The following POLR2E variants were observed in gnomAD, a reference collection of about 807,000 sequenced individuals.
POLR2E encodes the protein RNA polymerase II, I and III subunit E.
POLR2E carries 35 observed loss-of-function variants against 29.8 expected under a neutral mutation model. The observed-to-expected ratio is 1.17, with a 90% CI of 0.90 to 1.55. POLR2E has a LOEUF of 1.55. Ranked by LOEUF, POLR2E falls within the 40% of genes most tolerant of loss-of-function variation. The probability of loss-of-function intolerance (pLI) is 0.00; values close to 1 mark genes in which losing one functional copy is unlikely to be tolerated. For missense variants in POLR2E, 287 were observed against 288.6 expected (o/e 0.99, Z 0.04); for synonymous variants, 174 against 112.6 (o/e 1.55, Z -3.45).
chr19:1,094,166 G>A, intron 1 of POLR2E, 88 bp from the exon 2 acceptor site: 1 of 1,275,914 alleles, frequency 7.8e-7, no homozygotes, highest in Non-Finnish European at 1.1e-6. Flanking sequence ...TGCGGCTGCT[G>A]CAGAGGACAG....
In POLR2E at chr19:1,090,140, G is replaced by C; in HGVS notation, c.435C>G (p.Val145=). 1.2e-6 allele frequency: 2 copies of C among 1,612,572 alleles called. No homozygotes were observed. Among genetic ancestry groups the C allele is most frequent in the Non-Finnish European group, 1.7e-6 (2 of 1,179,918 alleles). ...LLINITEHEL[V]PEHVVMTKEE... is the part of the protein sequence containing the mutation. ...CCTTGGTCATGACGACGTGCTCAGGGACTAGCTGCCGAGAGAGGAAGCCAC... is the reference window on the plus strand; with the variant it reads ...CCTTGGTCATGACGACGTGCTCAGGCACTAGCTGCCGAGAGAGGAAGCCAC... Residue 145 remains valine, a synonymous_variant, in exon 5 of 8, where the codon GTC becomes GTG. Transcript: ENST00000615234.
At position 1,095,357 on chromosome 19, in the gene POLR2E, G is replaced by GTT; in HGVS notation, c.-43_-42insAA. On this transcript the variant is annotated 5_prime_UTR_variant, in exon 1 of 8. Coordinates refer to ENST00000615234, the MANE Select transcript of POLR2E (RefSeq NM_002695.5). ...GCCGCCGCTCGCACCCCTTCTCCGC[G>GTT]CGAGAACCCGCGCGGACTGCGCCTG... 6.2e-7 allele frequency: 1 copy of GTT among 1,609,900 alleles called. No homozygotes were observed. The highest frequency in any genetic ancestry group is 8.5e-7 in the Non-Finnish European group (1 of 1,177,718).
At chr19:1,091,632 G>T in intron 3 of POLR2E, 160 bp downstream of exon 3, 1 of 613,218 alleles carries the variant, frequency 1.6e-6, no homozygotes, top group South Asian at 1.8e-5. Flanking sequence ...CGCGGTGGGA[G>T]GGAGGCGGTC....
chr19:1,089,556 A>C lies in POLR2E; in HGVS notation c.568-5T>G. ...GGGCCGGATGATCTTCACCACCTGC[A>C]GAGACAGAGAGCAGGGGCTGCGAAT... On this transcript the variant is annotated splice_polypyrimidine_tract_variant and splice_region_variant and intron_variant, in intron 6 of 7. Transcript: ENST00000615234. 1 of 1,613,062 alleles carries C rather than the reference A, an allele frequency of 6.2e-7. No individual in the cohort carries two copies. The highest frequency in any genetic ancestry group is 8.5e-7 in the Non-Finnish European group (1 of 1,179,212).
At chr19:1,089,835 G>A in intron 6 of POLR2E, 49 bp downstream of exon 6, 2 of 1,436,794 alleles carry the variant, frequency 1.4e-6, no homozygotes, top group Non-Finnish European at 1.9e-6. Context: ...CCTTCTCCGA[G>A]TGGTCAGCTC....
At chr19:1,091,434 C>T (rs763302201) in intron 3 of POLR2E, 10 of 376,018 alleles carry the variant, frequency 2.7e-5, no homozygotes, top group African/African-American at 1.5e-4. Context: ...TGGAGGACCC[C>T]GTGCCGGGCC....
chr19:1,089,221 C>G (rs1037615101), intron 7 of POLR2E, among the ~76,000 whole-genome samples: 1 of 152,232 alleles, frequency 6.6e-6, no homozygotes, highest in African/African-American at 2.4e-5. Flanking sequence ...TAAGGTGGGT[C>G]AGCGGCGGAG....
Position 1,087,816 on chromosome 19 carries a change from A to C in POLR2E, c.*919T>G, listed in dbSNP as rs1436675229. 6.6e-6 allele frequency: 1 copy of C among 152,330 alleles called. No homozygotes were observed. Among genetic ancestry groups the C allele is most frequent in the East Asian group, 1.9e-4 (1 of 5,332 alleles). The allele number at this position is 152,330 out of a possible 1,614,324, so 9.4% of individuals were successfully genotyped here. On this transcript the variant is annotated 3_prime_UTR_variant, in exon 8 of 8. Coordinates refer to ENST00000615234, the MANE Select transcript of POLR2E (RefSeq NM_002695.5). ...CCGAGGGTGAATTACATCTTAATAAAGCTACTGTGAGAGAACCACGTGGCT... is the reference window on the plus strand; with the variant it reads ...CCGAGGGTGAATTACATCTTAATAACGCTACTGTGAGAGAACCACGTGGCT...
chr19:1,093,508 G>A (rs939379454), intron 2 of POLR2E, among the ~76,000 whole-genome samples: 8 of 152,262 alleles, frequency 5.3e-5, no homozygotes, highest in African/African-American at 1.9e-4. Flanking sequence ...GCGGGCAGGG[G>A]CCGCAGCTCA....
chr19:1,089,097 T>G (rs1165358905), intron 7 of POLR2E, among the ~76,000 whole-genome samples: 2 of 152,094 alleles, frequency 1.3e-5, no homozygotes, highest in African/African-American at 4.8e-5. Context: ...CAGGGAAGGG[T>G]TGGCCTGAAG....
chr19:1,090,012 G>A, intron 5 of POLR2E, 50 bp from the exon 6 acceptor site: 6 of 1,507,168 alleles, frequency 4.0e-6, no homozygotes, highest in Non-Finnish European at 4.5e-6. Flanking sequence ...GGGGGGGCAG[G>A]GGTGTGTGTG....
intron 3 of POLR2E, 119 bp from the exon 4 acceptor site, chr19:1,091,107 A>G: frequency 3.8e-6 from 3 of 783,552 alleles, no homozygotes; most frequent in Non-Finnish European, 6.2e-6. Flanking sequence ...CACGTCGTGA[A>G]TCAGAAAACC....
intron 2 of POLR2E, among the ~76,000 whole-genome samples, chr19:1,092,504 A>C (rs1180876984): frequency 6.6e-6 from 1 of 151,222 alleles, no homozygotes; most frequent in Non-Finnish European, 1.5e-5. Context: ...GATCGAGACC[A>C]CCCTGGCTAA....
chr19:1,093,981 C>T lies in POLR2E; in HGVS notation c.155G>A (p.Arg52Gln), dbSNP rs976132861. 15 of 1,613,648 alleles carry T rather than the reference C, an allele frequency of 9.3e-6. No homozygotes were observed. The Admixed American group carries it at 2.0e-4, about 22-fold the overall frequency. ...CACGGTGAGGTCCGTGCGCCGCGGCCGCCCCTCACTCGGCTTGTCCCCAGA... is the reference window on the plus strand; with the variant it reads ...CACGGTGAGGTCCGTGCGCCGCGGCTGCCCCTCACTCGGCTTGTCCCCAGA... ...AQSGDKPSEGRPRRTDLTVLV... is the reference protein window; with the variant it reads ...AQSGDKPSEGQPRRTDLTVLV... Residue 52 changes from arginine to glutamine, a missense_variant, in exon 2 of 8, where the codon CGG becomes CAG. Coordinates refer to ENST00000615234, the MANE Select transcript of POLR2E (RefSeq NM_002695.5).
At chr19:1,095,102 G>T in intron 1 of POLR2E, 157 bp downstream of exon 1, 1 of 699,856 alleles carries the variant, frequency 1.4e-6, no homozygotes, top group Non-Finnish European at 2.3e-6. Flanking sequence ...CGGGTCCAGC[G>T]CCTGGTATCC....
chr19:1,093,105 G>C (rs1399235659), intron 2 of POLR2E, among the ~76,000 whole-genome samples: 1 of 151,318 alleles, frequency 6.6e-6, no homozygotes, highest in Non-Finnish European at 1.5e-5. Flanking sequence ...AGAATCGCTT[G>C]AACTCAGGAG....
At chr19:1,091,744 G>A (rs768642469) in intron 3 of POLR2E, 48 bp downstream of exon 3, 1 of 1,272,654 alleles carries the variant, frequency 7.9e-7, no homozygotes, top group Non-Finnish European at 1.1e-6. Flanking sequence ...CTTGCGGGAG[G>A]AGGCTGGGGA....
At position 1,089,889 on chromosome 19, in the gene POLR2E, C is replaced by T. The variant is rs139328030; in HGVS notation, c.562G>A (p.Gly188Arg). The T allele has an allele frequency of 5.0e-6, 8 of 1,611,640 alleles. No homozygotes were observed. In the African/African-American group the frequency reaches 1.1e-4, roughly 22 times the overall value. Residue 188 changes from glycine (G) to arginine (R), a missense_variant, in exon 6 of 8, where the codon GGG becomes AGG. Coordinates refer to ENST00000615234, the MANE Select transcript of POLR2E (RefSeq NM_002695.5). ...CTTCTCCCCACAGGGCTCACCTGCCCACGCTTTATCCCAAAGTAGCGCGCC... is the reference window on the plus strand; with the variant it reads ...CTTCTCCCCACAGGGCTCACCTGCCTACGCTTTATCCCAAAGTAGCGCGCC... ...PVARYFGIKR[G>R]QVVKIIRPSE... is the part of the protein sequence containing the mutation.
rs544648528 is a variant in POLR2E, at chr19:1,091,560, G to A, written c.348+232C>T. On this transcript the variant is annotated intron_variant, in intron 3 of 7. Transcript: ENST00000615234. ...GCTGGCGAGAGGCACAGTGCCCTCC[G>A]CCCTGACGCCCCTCCTGAGAGCTGG... 129 of 556,844 alleles carry A rather than the reference G, an allele frequency of 2.3e-4. 2 individuals are homozygous for A. Among genetic ancestry groups the A allele is most frequent in the Non-Finnish European group, 3.1e-4 (96 of 308,088 alleles). The allele number at this position is 556,844 out of a possible 1,614,324, so 34.5% of individuals were successfully genotyped here.
Sources: allele counts gnomAD v4.1 joint callset (sites outside exome capture counted in the v4.1 genomes callset), GRCh38; gene constraint gnomAD v4.1.1; transcripts MANE v1.5; gene names NCBI Gene and HGNC (gene_info 2026-07-23, HGNC 2026-07-21).